MAP1B: variants seen among roughly 807,000 people sequenced by gnomAD.
The protein encoded by MAP1B is microtubule-associated protein 1B.
In MAP1B, 12 loss-of-function variants were observed where a neutral mutation model predicts 176.1. The ratio of observed to expected loss-of-function variants is 0.07; its 90% CI spans 0.04 to 0.11. The LOEUF (loss-of-function observed/expected upper bound fraction) is 0.11, where lower values mean the gene tolerates loss of function less well. Ranked by LOEUF, MAP1B falls within the 10% of genes least tolerant of loss-of-function variation. The pLI is 1.00. For missense variants in MAP1B, 2,523 were observed against 2,990.5 expected (o/e 0.84, Z 3.65); for synonymous variants, 1,044 against 1,135.0 (o/e 0.92, Z 1.61).
chr5:72,121,515 A>C (rs536529340), intron 2 of MAP1B, among the ~76,000 whole-genome samples: 65 of 152,342 alleles, frequency 4.3e-4, no homozygotes, highest in African/African-American at 1.5e-3. Context: ...GAGCATCTTT[A>C]GATTTGTGCT....
chr5:72,129,172 A>G (rs900740020), intron 2 of MAP1B, among the ~76,000 whole-genome samples: 2 of 152,194 alleles, frequency 1.3e-5, no homozygotes, highest in African/African-American at 4.8e-5. Context: ...TTACATGTAC[A>G]TATGTAATTG....
intron 4 of MAP1B, 90 bp from the exon 5 acceptor site, chr5:72,193,776 C>T (rs1297897298): frequency 2.9e-6 from 4 of 1,375,850 alleles, no homozygotes; most frequent in African/African-American, 2.9e-5. Context: ...TCCTGTGATC[C>T]TGTAACACAT....
At chr5:72,134,292 C>G (rs1210131935) in intron 2 of MAP1B, among the ~76,000 whole-genome samples, 1 of 152,200 alleles carries the variant, frequency 6.6e-6, no homozygotes, top group Non-Finnish European at 1.5e-5. Flanking sequence ...ATTGTCGCAG[C>G]AAGACTCCCT....
chr5:72,154,163 C>T (rs545869908), intron 2 of MAP1B, among the ~76,000 whole-genome samples: 188 of 152,272 alleles, frequency 1.2e-3, no homozygotes, highest in African/African-American at 4.2e-3. Context: ...AGCTCATTCT[C>T]GTGTGTCTAT....
intron 2 of MAP1B, among the ~76,000 whole-genome samples, chr5:72,137,136 A>C (rs1447496030): frequency 1.3e-5 from 2 of 152,218 alleles, no homozygotes; most frequent in Non-Finnish European, 2.9e-5. Context: ...CAGTTTATTC[A>C]TAAGGATGGC....
At chr5:72,166,286 C>T (rs190606298) in intron 2 of MAP1B, among the ~76,000 whole-genome samples, 9 of 152,240 alleles carry the variant, frequency 5.9e-5, no homozygotes, top group Middle Eastern at 3.4e-3. Context: ...TCATGATCGT[C>T]AACAGAATCC....
intron 1 of MAP1B, among the ~76,000 whole-genome samples, chr5:72,114,747 G>A (rs1311605764): frequency 6.6e-6 from 1 of 152,238 alleles, no homozygotes; most frequent in Non-Finnish European, 1.5e-5. Flanking sequence ...GGAGAAAGAG[G>A]ACAGTGGGAG....
At chr5:72,162,852 G>A (rs1037771071) in intron 2 of MAP1B, among the ~76,000 whole-genome samples, 1 of 152,210 alleles carries the variant, frequency 6.6e-6, no homozygotes, top group African/African-American at 2.4e-5. Context: ...CACCTGGCTT[G>A]AAGCCTTCCA....
intron 2 of MAP1B, among the ~76,000 whole-genome samples, chr5:72,139,004 T>A (rs982585754): frequency 6.6e-6 from 1 of 152,196 alleles, no homozygotes; most frequent in Admixed American, 6.5e-5. Flanking sequence ...ATTGGAGACA[T>A]GAATCACTAT....
intron 2 of MAP1B, among the ~76,000 whole-genome samples, chr5:72,170,309 T>C (rs532261262): frequency 7.0e-4 from 106 of 152,332 alleles, no homozygotes; most frequent in African/African-American, 2.4e-3. Flanking sequence ...CACATCTCTT[T>C]ATCTGCTCTA....
intron 1 of MAP1B, among the ~76,000 whole-genome samples, chr5:72,109,520 G>T (rs1443064884): frequency 6.6e-6 from 1 of 152,118 alleles, no homozygotes; most frequent in African/African-American, 2.4e-5. Flanking sequence ...AGCATTTCTG[G>T]GAAATAGGAA....
chr5:72,170,705 A>G (rs1746519031), intron 2 of MAP1B, among the ~76,000 whole-genome samples: 2 of 152,160 alleles, frequency 1.3e-5, no homozygotes, highest in Admixed American at 1.3e-4. Context: ...CACGCCTGTA[A>G]TCCCAGCACT....
At position 72,205,558 on chromosome 5, in the gene MAP1B, AGAGAGAGAGCGCGGGAGAGAGT is replaced by A. The variant is rs1747429012; in HGVS notation, c.*329_*350del. 2 of 244,964 alleles carry A rather than the reference AGAGAGAGAGCGCGGGAGAGAGT, an allele frequency of 8.2e-6. No homozygotes were observed. The highest frequency in any genetic ancestry group is 1.6e-5 in the Non-Finnish European group (2 of 124,928). 15.2% of individuals were successfully genotyped at this position (244,964 alleles called of 1,614,324 possible). A position where few individuals can be genotyped will look rare whatever the true frequency, so the allele number is the denominator to read the frequency against. On this transcript the variant is annotated 3_prime_UTR_variant, in exon 7 of 7. Transcript: ENST00000296755. ...CTAGGTAGAGGCATTTGTCTTAGAG[AGAGAGAGAGCGCGGGAGAGAGT>A]GAGAGAGAGTGAGAGCACAAAGATA... is the stretch of plus-strand genomic sequence containing the variant.
intron 2 of MAP1B, among the ~76,000 whole-genome samples, chr5:72,148,248 C>G (rs1746080698): frequency 6.6e-6 from 1 of 152,156 alleles, no homozygotes; most frequent in Admixed American, 6.5e-5. Context: ...AAATTTCACC[C>G]TGAGGCTGCA....
chr5:72,137,486 G>A (rs1745858672), intron 2 of MAP1B, among the ~76,000 whole-genome samples: 1 of 152,158 alleles, frequency 6.6e-6, no homozygotes, highest in African/African-American at 2.4e-5. Context: ...TAAATGGCAG[G>A]AGCTTCCCTT....
chr5:72,183,716 C>G, intron 2 of MAP1B, 27 bp from the exon 3 acceptor site: 1 of 1,599,432 alleles, frequency 6.3e-7, no homozygotes, highest in Non-Finnish European at 8.6e-7. Flanking sequence ...AAGGTCTCCT[C>G]TTTTGTTTGT....
intron 3 of MAP1B, among the ~76,000 whole-genome samples, chr5:72,185,820 A>G (rs888828354): frequency 6.6e-6 from 1 of 152,120 alleles, no homozygotes; most frequent in African/African-American, 2.4e-5. Flanking sequence ...TTACTTTTGT[A>G]TCCTCCCCTC....
chr5:72,158,345 G>A (rs903120385), intron 2 of MAP1B, among the ~76,000 whole-genome samples: 3 of 151,998 alleles, frequency 2.0e-5, no homozygotes, highest in Non-Finnish European at 4.4e-5. Flanking sequence ...GTAATCTGAT[G>A]TATTAGTAAG....
chr5:72,186,858 C>T lies in MAP1B; in HGVS notation c.510+104C>T. On this transcript the variant is annotated intron_variant, in intron 4 of 6. Coordinates refer to ENST00000296755, the MANE Select transcript of MAP1B (RefSeq NM_005909.5). The surrounding 1 kb of genome is among the most constrained non-coding windows in gnomAD (Gnocchi z 4.3). ...CAAAAGAAGAAGGGAGGGAACCTCACAGCTCTCCTGAAATAAGCAAAACTG... is the reference window on the plus strand; with the variant it reads ...CAAAAGAAGAAGGGAGGGAACCTCATAGCTCTCCTGAAATAAGCAAAACTG... The T allele has an allele frequency of 5.1e-6, 7 of 1,367,882 alleles. No individual in the cohort carries two copies. The South Asian group carries it at 7.6e-5, about 15-fold the overall frequency. 84.7% of individuals were successfully genotyped at this position (1,367,882 alleles called of 1,614,324 possible). A position where few individuals can be genotyped will look rare whatever the true frequency, so the allele number is the denominator to read the frequency against.
Sources: allele counts gnomAD v4.1 joint callset (sites outside exome capture counted in the v4.1 genomes callset), GRCh38; gene constraint gnomAD v4.1.1; non-coding constraint Gnocchi (gnomAD v3.1); transcripts MANE v1.5; gene names NCBI Gene and HGNC (gene_info 2026-07-23, HGNC 2026-07-21).